SGCZ: variants seen among roughly 807,000 people sequenced by gnomAD.
The protein encoded by SGCZ is sarcoglycan zeta.
A neutral mutation model predicts 41.3 loss-of-function variants in SGCZ; 40 were observed. That is an observed-to-expected ratio of 0.97 (90% confidence interval 0.75 to 1.26). The LOEUF (loss-of-function observed/expected upper bound fraction) is 1.26. Ranked by LOEUF, SGCZ falls within the 50% of genes most tolerant of loss-of-function variation. The pLI is 0.00. For synonymous variants in SGCZ, 206 were observed against 137.5 expected, an observed-to-expected ratio of 1.50 and a Z score of -3.49; for missense variants, 552 against 369.8, an observed-to-expected ratio of 1.49 and a Z score of -4.04.
At chr8:14,260,147 G>C (rs143437846) in intron 3 of SGCZ, among the ~76,000 whole-genome samples, 11 of 152,208 alleles carry the variant, frequency 7.2e-5, no homozygotes, top group East Asian at 3.9e-4. Context: ...ACTACCATCA[G>C]AGTGAACAGG....
chr8:15,068,264 C>A (rs1480204623), intron 1 of SGCZ, among the ~76,000 whole-genome samples: 3 of 152,184 alleles, frequency 2.0e-5, no homozygotes, highest in Non-Finnish European at 4.4e-5. Context: ...TTTCTGATTT[C>A]CATTCTAAAG....
intron 1 of SGCZ, among the ~76,000 whole-genome samples, chr8:15,160,686 G>A (rs1799485286): frequency 1.3e-5 from 2 of 152,128 alleles, no homozygotes; most frequent in Non-Finnish European, 2.9e-5. Flanking sequence ...TAAGTGTTCA[G>A]TAGGCATATG....
chr8:14,677,930 A>G (rs960274585), intron 1 of SGCZ, among the ~76,000 whole-genome samples: 1 of 152,236 alleles, frequency 6.6e-6, no homozygotes, highest in Non-Finnish European at 1.5e-5. Context: ...AAATCAAGAT[A>G]ATATGGTACT....
chr8:14,332,862 T>C (rs1289399114), intron 2 of SGCZ, among the ~76,000 whole-genome samples: 2 of 150,710 alleles, frequency 1.3e-5, no homozygotes, highest in Admixed American at 6.7e-5. Context: ...TATATAATGT[T>C]CTCCTATATA....
intron 4 of SGCZ, among the ~76,000 whole-genome samples, chr8:14,207,388 T>C (rs1381805714): frequency 2.0e-5 from 3 of 152,230 alleles, no homozygotes; most frequent in Non-Finnish European, 4.4e-5. Context: ...TTAAGATTCA[T>C]TGTTTTTAGC....
At chr8:14,778,700 T>C (rs1314469783) in intron 1 of SGCZ, among the ~76,000 whole-genome samples, 5 of 152,178 alleles carry the variant, frequency 3.3e-5, no homozygotes, top group Non-Finnish European at 5.9e-5. Flanking sequence ...AGGAAACCCA[T>C]ATGGGCAGTA....
intron 1 of SGCZ, among the ~76,000 whole-genome samples, chr8:14,826,621 C>G (rs1012175079): frequency 1.3e-5 from 2 of 152,078 alleles, no homozygotes; most frequent in African/African-American, 4.8e-5. Flanking sequence ...TTAATGATCG[C>G]CATTCTAACT....
intron 1 of SGCZ, among the ~76,000 whole-genome samples, chr8:15,023,617 G>A (rs1016269558): frequency 6.6e-6 from 1 of 152,168 alleles, no homozygotes; most frequent in Non-Finnish European, 1.5e-5. Flanking sequence ...TTATAGAAAT[G>A]TGATACTGCT....
chr8:14,612,770 T>A (rs2117344607), intron 1 of SGCZ, among the ~76,000 whole-genome samples: 1 of 152,192 alleles, frequency 6.6e-6, no homozygotes, highest in South Asian at 2.1e-4. Flanking sequence ...CATTGCAACC[T>A]CCACCTCCCA....
At chr8:15,055,614 C>T (rs1804676251) in intron 1 of SGCZ, among the ~76,000 whole-genome samples, 3 of 152,252 alleles carry the variant, frequency 2.0e-5, no homozygotes, top group South Asian at 4.1e-4. Flanking sequence ...AGCCTGGGAC[C>T]CCCTTTGCCA....
At chr8:14,303,832 A>G (rs1585340169) in intron 3 of SGCZ, among the ~76,000 whole-genome samples, 1 of 151,950 alleles carries the variant, frequency 6.6e-6, no homozygotes, top group African/African-American at 2.4e-5. Context: ...GCTCACTGCA[A>G]CCTCCATTCC....
rs570187023 is a variant in SGCZ, at chr8:15,207,691, A to T, written c.39+29894T>A. Among the ~76,000 whole-genome samples, 3 of 152,318 alleles carry T rather than the reference A, an allele frequency of 2.0e-5. No homozygotes were observed. In the South Asian group the frequency reaches 6.2e-4, roughly 32 times the overall value. On this transcript the variant is annotated intron_variant, in intron 1 of 7. Transcript: ENST00000382080. Reference sequence around the variant, plus strand: ...AAAAGTAGAAGCAGATGCTTTCCCCATTACTCAAATAGAAAATTTGGAAGT... The same window carrying T: ...AAAAGTAGAAGCAGATGCTTTCCCCTTTACTCAAATAGAAAATTTGGAAGT...
intron 4 of SGCZ, among the ~76,000 whole-genome samples, chr8:14,212,834 T>A (rs1478789132): frequency 6.6e-6 from 1 of 151,762 alleles, no homozygotes; most frequent in Admixed American, 6.6e-5. Context: ...CTAAAACATA[T>A]TAAAATAGAA....
At chr8:14,345,275 T>G (rs1469509024) in intron 2 of SGCZ, among the ~76,000 whole-genome samples, 1 of 152,094 alleles carries the variant, frequency 6.6e-6, no homozygotes, top group East Asian at 1.9e-4. Context: ...AATGGCACTA[T>G]CAAGAACTGC....
chr8:14,906,807 A>G (rs1354177756), intron 1 of SGCZ, among the ~76,000 whole-genome samples: 2 of 152,364 alleles, frequency 1.3e-5, no homozygotes, highest in East Asian at 3.9e-4. Flanking sequence ...CTAGAGCTAG[A>G]AAAAGAACTG....
intron 1 of SGCZ, among the ~76,000 whole-genome samples, chr8:14,600,037 G>T (rs373375693): frequency 3.9e-5 from 6 of 152,066 alleles, no homozygotes; most frequent in African/African-American, 1.4e-4. Context: ...CCTCAGCAAG[G>T]AAGCAAAGCT....
chr8:14,947,566 A>G (rs1347916767), intron 1 of SGCZ, among the ~76,000 whole-genome samples: 1 of 152,156 alleles, frequency 6.6e-6, no homozygotes, highest in Non-Finnish European at 1.5e-5. Flanking sequence ...TTATAACTGC[A>G]CTGAATATAA....
intron 1 of SGCZ, among the ~76,000 whole-genome samples, chr8:14,723,429 T>C (rs1809953782): frequency 6.6e-6 from 1 of 151,998 alleles, no homozygotes; most frequent in African/African-American, 2.4e-5. Flanking sequence ...GTCCCACAGA[T>C]ATTTGAGCTG....
At chr8:14,730,871 A>G (rs1810215789) in intron 1 of SGCZ, among the ~76,000 whole-genome samples, 1 of 151,888 alleles carries the variant, frequency 6.6e-6, no homozygotes, top group Non-Finnish European at 1.5e-5. Flanking sequence ...GGCGATCAAT[A>G]AAAAGTCAGG....
Sources: allele counts gnomAD v4.1 joint callset (sites outside exome capture counted in the v4.1 genomes callset), GRCh38; gene constraint gnomAD v4.1.1; transcripts MANE v1.5; gene names NCBI Gene and HGNC (gene_info 2026-07-23, HGNC 2026-07-21).